Variants in LRMDA observed in about 807,000 individuals in gnomAD.
LRMDA encodes leucine-rich melanocyte differentiation-associated protein.
In LRMDA, 18 loss-of-function variants were observed where a neutral mutation model predicts 29.8. That is an observed-to-expected ratio of 0.60 (90% CI 0.42 to 0.90). The LOEUF is 0.90. Among genes scored for constraint, LRMDA ranks in the 40% least tolerant of loss-of-function variants. The pLI, the probability that LRMDA is intolerant of heterozygous loss-of-function variation, is 0.00. For missense variants in LRMDA, 273 were observed against 273.9 expected, an observed-to-expected ratio of 1.00 and a Z score of 0.02; for synonymous variants, 125 against 109.4, an observed-to-expected ratio of 1.14 and a Z score of -0.89.
intron 2 of LRMDA, among the ~76,000 whole-genome samples, chr10:75,817,331 C>G (rs1844078450): frequency 6.6e-6 from 1 of 152,176 alleles, no homozygotes; most frequent in African/African-American, 2.4e-5. Context: ...ATGGTGAACT[C>G]ACCGATGCTG....
chr10:75,980,805 C>T (rs1325962830), intron 2 of LRMDA, among the ~76,000 whole-genome samples: 1 of 152,228 alleles, frequency 6.6e-6, no homozygotes, highest in Non-Finnish European at 1.5e-5. Context: ...CAACATTTCT[C>T]ATTTTCTGCC....
intron 6 of LRMDA, among the ~76,000 whole-genome samples, chr10:76,441,075 T>C (rs985783082): frequency 1.3e-5 from 2 of 152,074 alleles, no homozygotes; most frequent in Non-Finnish European, 2.9e-5. Flanking sequence ...ATTCCTTCCT[T>C]CCATCAACAC....
chr10:75,531,339 G>A (rs1011872513), intron 2 of LRMDA, among the ~76,000 whole-genome samples: 30 of 152,322 alleles, frequency 2.0e-4, no homozygotes, highest in African/African-American at 6.3e-4. Flanking sequence ...CCAAAAAAGA[G>A]GGAAGGACAG....
chr10:76,495,447 AT>A (rs1325180831), intron 6 of LRMDA, among the ~76,000 whole-genome samples: 1 of 151,880 alleles, frequency 6.6e-6, no homozygotes, highest in East Asian at 1.9e-4. Context: ...GAGGAGAGAG[AT>A]TTCTCCCACT....
intron 2 of LRMDA, among the ~76,000 whole-genome samples, chr10:75,995,278 G>A (rs940703215): frequency 6.6e-6 from 1 of 152,188 alleles, no homozygotes; most frequent in East Asian, 1.9e-4. Context: ...AGTACTTGCA[G>A]CTGCATTCTG....
At chr10:75,498,667 A>T (rs539050732) in intron 2 of LRMDA, among the ~76,000 whole-genome samples, 7 of 152,306 alleles carry the variant, frequency 4.6e-5, no homozygotes, top group African/African-American at 1.7e-4. Flanking sequence ...ATGAGGAAAG[A>T]TGAAAGGAAT....
At chr10:75,913,722 G>A (rs577892043) in intron 2 of LRMDA, among the ~76,000 whole-genome samples, 8 of 152,266 alleles carry the variant, frequency 5.3e-5, no homozygotes, top group Non-Finnish European at 8.8e-5. Flanking sequence ...TGAGAAGCTC[G>A]AGGGCACAAT....
intron 6 of LRMDA, among the ~76,000 whole-genome samples, chr10:76,433,553 G>C (rs1024767692): frequency 1.3e-4 from 20 of 152,174 alleles, no homozygotes; most frequent in Admixed American, 3.3e-4. Context: ...ATTGATGCCT[G>C]TCACTTTGTG....
chr10:75,878,288 T>C (rs1392281297), intron 2 of LRMDA, among the ~76,000 whole-genome samples: 1 of 146,558 alleles, frequency 6.8e-6, no homozygotes, highest in Non-Finnish European at 1.5e-5. Context: ...TATTGAGTGG[T>C]AGAAGTAGCT....
intron 5 of LRMDA, among the ~76,000 whole-genome samples, chr10:76,199,951 T>C (rs1440753017): frequency 6.6e-6 from 1 of 152,076 alleles, no homozygotes; most frequent in Non-Finnish European, 1.5e-5. Flanking sequence ...ATATGTGGAG[T>C]AAGACTCCAC....
intron 2 of LRMDA, among the ~76,000 whole-genome samples, chr10:75,769,919 G>T (rs1402552401): frequency 6.6e-6 from 1 of 152,126 alleles, no homozygotes; most frequent in Non-Finnish European, 1.5e-5. Flanking sequence ...CAAGGTGGAG[G>T]TTGCAGTGAG....
intron 5 of LRMDA, among the ~76,000 whole-genome samples, chr10:76,117,308 T>C (rs1380870832): frequency 6.6e-6 from 1 of 152,200 alleles, no homozygotes; most frequent in East Asian, 1.9e-4. Context: ...GGCATATTCA[T>C]AACTCTGTCT....
At chr10:76,083,150 A>C (rs1218107573) in intron 5 of LRMDA, among the ~76,000 whole-genome samples, 1 of 152,170 alleles carries the variant, frequency 6.6e-6, no homozygotes, top group African/African-American at 2.4e-5. Context: ...ATTCTTAGAG[A>C]TTGCAAATGA....
intron 5 of LRMDA, among the ~76,000 whole-genome samples, chr10:76,205,191 C>T (rs1340204754): frequency 1.3e-5 from 2 of 152,136 alleles, no homozygotes; most frequent in Non-Finnish European, 2.9e-5. Context: ...GATGTCCCTC[C>T]AGAGGGGCTT....
intron 6 of LRMDA, among the ~76,000 whole-genome samples, chr10:76,539,133 T>C (rs968832710): frequency 6.6e-6 from 1 of 152,140 alleles, no homozygotes; most frequent in African/African-American, 2.4e-5. Context: ...TTAGAAAAGC[T>C]ATGAAAGGTC....
At chr10:76,110,219 T>G (rs1849555101) in intron 5 of LRMDA, among the ~76,000 whole-genome samples, 1 of 152,222 alleles carries the variant, frequency 6.6e-6, no homozygotes, top group African/African-American at 2.4e-5. Flanking sequence ...AAGCTTGAGT[T>G]GGCCGATCTG....
In LRMDA at chr10:76,281,857, C is replaced by A. The variant is rs566635512; in HGVS notation, c.517-42544C>A. Among the ~76,000 whole-genome samples the A allele has an allele frequency of 2.0e-4, 31 of 152,176 alleles. No homozygotes were observed. In the South Asian group the frequency reaches 4.8e-3, roughly 23 times the overall value. ...GGGGGCAGTGATAAACAGGTCTTGG[C>A]CTGTTATTGTCTTCCTGCATGATAA... On this transcript the variant is annotated intron_variant, in intron 5 of 6. Coordinates refer to ENST00000611255, the MANE Select transcript of LRMDA (RefSeq NM_001305581.2).
intron 6 of LRMDA, among the ~76,000 whole-genome samples, chr10:76,448,556 A>G (rs972789206): frequency 6.6e-6 from 1 of 152,124 alleles, no homozygotes; most frequent in Non-Finnish European, 1.5e-5. Context: ...ATAGATGAAA[A>G]GTGCCGTCTG....
chr10:76,261,263 G>T (rs538606579), intron 5 of LRMDA, among the ~76,000 whole-genome samples: 1 of 151,432 alleles, frequency 6.6e-6, no homozygotes, highest in Admixed American at 6.6e-5. Flanking sequence ...TAGTAGAGAC[G>T]GGGTTTCACC....
Sources: allele counts gnomAD v4.1 joint callset (sites outside exome capture counted in the v4.1 genomes callset), GRCh38; gene constraint gnomAD v4.1.1; transcripts MANE v1.5; gene names NCBI Gene and HGNC (gene_info 2026-07-23, HGNC 2026-07-21).